Variants in RNF213 observed in about 807,000 individuals in gnomAD.
The protein encoded by RNF213 is ring finger protein 213, also known as E3 ubiquitin-protein ligase RNF213.
RNF213 carries 341 observed loss-of-function variants against 514.4 expected under a neutral mutation model. The ratio of observed to expected loss-of-function variants is 0.66; its 90% CI spans 0.61 to 0.73. The LOEUF is 0.73. RNF213 is among the 30% of genes least tolerant of loss of function. RNF213 has a pLI of 0.00. For missense variants in RNF213, 5,767 were observed against 6,615.6 expected (o/e 0.87, Z 4.45); for synonymous variants, 2,655 against 2,658.2 (o/e 1.00, Z 0.04).
At chr17:80,364,027 G>C (rs76121974) in intron 41 of RNF213, among the ~76,000 whole-genome samples, 1 of 152,214 alleles carries the variant, frequency 6.6e-6, no homozygotes, top group Non-Finnish European at 1.5e-5. Flanking sequence ...TACTGGGGCC[G>C]TAGAAAGGCA....
chr17:80,290,465 G>A (rs1375135722), intron 6 of RNF213, 105 bp from the exon 7 acceptor site: 3 of 1,362,398 alleles, frequency 2.2e-6, no homozygotes, highest in Non-Finnish European at 3.1e-6. Context: ...GTGCATGTGT[G>A]TGTGCACGTG....
rs1327986567 is a variant in RNF213, at chr17:80,263,609, A to C, written c.-73A>C. On this transcript the variant is annotated 5_prime_UTR_variant, in exon 2 of 68. It removes an upstream start codon present in the reference 5' UTR. Transcript: ENST00000582970. This position sits in a 1 kb window ranked among gnomAD's most constrained non-coding sequence, Gnocchi z 4.9. ...TGAAGCCGTGGTCACGTGACAGGACATGTAGTATATAGCAGGCTGCCAGCG... is the reference window on the plus strand; with the variant it reads ...TGAAGCCGTGGTCACGTGACAGGACCTGTAGTATATAGCAGGCTGCCAGCG... 3 of 1,145,280 alleles carry C rather than the reference A, an allele frequency of 2.6e-6. No homozygotes were observed. The highest frequency in any genetic ancestry group is 4.0e-6 in the Non-Finnish European group (3 of 752,016). 70.9% of individuals were successfully genotyped at this position (1,145,280 alleles called of 1,614,324 possible). A position where few individuals can be genotyped will look rare whatever the true frequency, so the allele number is the denominator to read the frequency against.
chr17:80,278,976 C>A, intron 3 of RNF213: 1 of 1,523,336 alleles, frequency 6.6e-7, no homozygotes, highest in South Asian at 1.2e-5. Context: ...CAGCCTGGCA[C>A]GGCCACCTCG....
At chr17:80,267,927 C>T (rs902241385) in intron 2 of RNF213, among the ~76,000 whole-genome samples, 6 of 151,462 alleles carry the variant, frequency 4.0e-5, no homozygotes, top group Non-Finnish European at 8.8e-5. Flanking sequence ...TCAAGCAATT[C>T]TCCTGCCTCA....
At chr17:80,386,941 C>T (rs2080261711) in intron 63 of RNF213, 50 bp downstream of exon 63, 3 of 1,532,946 alleles carry the variant, frequency 2.0e-6, no homozygotes, top group Non-Finnish European at 2.7e-6. Context: ...CTGTTGTGAA[C>T]AAGCAGCCCT....
At position 80,349,802 on chromosome 17, in the gene RNF213, C is replaced by T. The variant is rs142182615; in HGVS notation, c.9984C>T (p.His3328=). The change falls in exon 30 of 68, where the codon CAC becomes CAT. Residue 3328 remains histidine, a synonymous_variant. Coordinates refer to ENST00000582970, the MANE Select transcript of RNF213 (RefSeq NM_001256071.3). ...ITTFSRLLTS[H]DCEILESEVT... ...CTTTCTCCAGGCTGCTAACAAGTCA[C>T]GACTGTGAAATTTTAGAATCAGAGG... 456 of 1,614,152 alleles carry T rather than the reference C, an allele frequency of 2.8e-4. 3 individuals carry two copies. The African/African-American group carries it at 5.2e-3, about 18-fold the overall frequency.
rs1214945388 is a variant in RNF213 at position 80,372,947 on chromosome 17, C to G, written c.12752-28C>G. The G allele has an allele frequency of 1.9e-6, 3 of 1,606,994 alleles. No homozygotes were observed. The South Asian group carries it at 3.3e-5, about 18-fold the overall frequency. ...AATAAATGCCCTAAGTCACCAGCCACTCACCCGCTTTCTCGTTGGCCTCTC... is the reference window on the plus strand; with the variant it reads ...AATAAATGCCCTAAGTCACCAGCCAGTCACCCGCTTTCTCGTTGGCCTCTC... On this transcript the variant is annotated intron_variant, in intron 48 of 67. Transcript: ENST00000582970.
chr17:80,278,632 C>G (rs969674291), intron 3 of RNF213: 1 of 1,146,472 alleles, frequency 8.7e-7, no homozygotes, highest in Non-Finnish European at 1.2e-6. Flanking sequence ...TGGTCAGTGC[C>G]CACATGTGGG....
At position 80,264,005 on chromosome 17, in the gene RNF213, CA is replaced by C. The variant is rs1208300945; in HGVS notation, c.97+228del. On this transcript the variant is annotated intron_variant, in intron 2 of 67. Transcript: ENST00000582970. The surrounding 1 kb of genome is among the most constrained non-coding windows in gnomAD (Gnocchi z 5.0). Reference sequence around the variant, plus strand: ...TCCCACACAGGTCAAGCCAGGGGACCACCACCCAGTGCTTCCGTCCCTCGTT... The same window carrying C: ...TCCCACACAGGTCAAGCCAGGGGACCCCACCCAGTGCTTCCGTCCCTCGTT... Among the ~76,000 whole-genome samples the C allele has an allele frequency of 6.6e-6, 1 of 152,154 alleles. No individual in the cohort carries two copies. The highest frequency in any genetic ancestry group is 2.4e-5 in the African/African-American group (1 of 41,424).
chr17:80,277,103 T>C (rs966723575), intron 3 of RNF213, among the ~76,000 whole-genome samples: 4 of 150,968 alleles, frequency 2.6e-5, no homozygotes, highest in Non-Finnish European at 5.9e-5. Flanking sequence ...GAATACGATA[T>C]GGATCTGTGC....
chr17:80,376,933 T>A lies in RNF213; in HGVS notation c.13480T>A (p.Trp4494Arg), dbSNP rs752764790. The change falls in exon 53 of 68, where the codon TGG (tryptophan) becomes AGG (arginine). Residue 4494 changes from tryptophan (W) to arginine (R), a missense_variant. Coordinates refer to ENST00000582970, the MANE Select transcript of RNF213 (RefSeq NM_001256071.3). The part of the protein sequence containing the change: ...PEDLLAQARR[W>R]KGLERVHWYT... ...AGACTTGCTGGCTCAAGCTCGGAGGTGGAAGGGTCTGGAGCGAGTCCACTG... is the reference window on the plus strand; with the variant it reads ...AGACTTGCTGGCTCAAGCTCGGAGGAGGAAGGGTCTGGAGCGAGTCCACTG... The A allele has an allele frequency of 6.2e-7, 1 of 1,613,748 alleles. No individual in the cohort carries two copies. The highest frequency in any genetic ancestry group is 1.1e-5 in the South Asian group (1 of 91,058).
intron 11 of RNF213, among the ~76,000 whole-genome samples, chr17:80,299,271 T>G (rs1429591402): frequency 1.3e-5 from 2 of 152,234 alleles, no homozygotes; most frequent in Non-Finnish European, 2.9e-5. Flanking sequence ...AGTTCTCTGT[T>G]ACAGGACATT....
chr17:80,333,056 T>A (rs1169441112), intron 21 of RNF213, among the ~76,000 whole-genome samples: 2 of 147,850 alleles, frequency 1.4e-5, no homozygotes, highest in Non-Finnish European at 1.5e-5. Flanking sequence ...CTCTTTTGCT[T>A]TTTTTTTTTT....
rs895029306 is a variant in RNF213 at position 80,372,724 on chromosome 17, G to C, written c.12741G>C (p.Glu4247Asp). The C allele has an allele frequency of 1.2e-6, 2 of 1,613,328 alleles. No homozygotes were observed. The highest frequency in any genetic ancestry group is 1.7e-6 in the Non-Finnish European group (2 of 1,180,002). Residue 4247 changes from glutamate to aspartate, a missense_variant, in exon 48 of 68, where the codon GAG (glutamate) becomes GAC (aspartate). Glu to Asp is a conservative substitution (Grantham distance 45). Transcript: ENST00000582970. ...DRAADFLSEP[E>D]GGPEMAKEKQ... ...CTGCAGATTTCCTCTCGGAGCCTGA[G>C]GGAGGCCCAGGCAAGTCTTCTCTGC...
At chr17:80,290,431 GC>G (rs2044667199) in intron 6 of RNF213, 138 bp from the exon 7 acceptor site, 3 of 993,468 alleles carry the variant, frequency 3.0e-6, no homozygotes, top group African/African-American at 3.2e-5. Context: ...GCGAGTGTGC[GC>G]GTGTGTGCAT....
rs777484043 is a variant in RNF213 at position 80,307,219 on chromosome 17, T to C, written c.2501+18T>C. The C allele has an allele frequency of 9.3e-6, 15 of 1,613,262 alleles. No individual in the cohort carries two copies. The Admixed American group carries it at 1.0e-4, about 11-fold the overall frequency. On this transcript the variant is annotated intron_variant, in intron 13 of 67. Coordinates refer to ENST00000582970, the MANE Select transcript of RNF213 (RefSeq NM_001256071.3). ...CGGGACAAGTAAGTGGAAAGCACGA[T>C]GCAGTCTCTCCCTCACATGCGGCCC... is the stretch of plus-strand genomic sequence containing the variant.
chr17:80,266,543 C>A (rs1409442498), intron 2 of RNF213, among the ~76,000 whole-genome samples: 2 of 151,854 alleles, frequency 1.3e-5, no homozygotes, highest in Non-Finnish European at 2.9e-5. Context: ...GCTCTGTCAC[C>A]CAGGCTGGAG....
intron 23 of RNF213, 144 bp from the exon 24 acceptor site, chr17:80,337,442 G>C (rs1296923145): frequency 9.4e-7 from 1 of 1,058,476 alleles, no homozygotes; most frequent in Admixed American, 2.6e-5. Context: ...TGGGGCGCTG[G>C]GTGGGCGACT....
At chr17:80,349,190 G>A (rs180917833) in intron 29 of RNF213, among the ~76,000 whole-genome samples, 64 of 152,324 alleles carry the variant, frequency 4.2e-4, no homozygotes, top group African/African-American at 1.5e-3. Context: ...CGCAGGAACG[G>A]ACAGCAGGTT....
Sources: allele counts gnomAD v4.1 joint callset (sites outside exome capture counted in the v4.1 genomes callset), GRCh38; gene constraint gnomAD v4.1.1; non-coding constraint Gnocchi (gnomAD v3.1); transcripts MANE v1.5; gene names NCBI Gene and HGNC (gene_info 2026-07-23, HGNC 2026-07-21).